MBNL2: variants seen among roughly 807,000 people sequenced by gnomAD.
MBNL2 encodes the protein muscleblind like splicing regulator 2.
MBNL2 carries 17 observed loss-of-function variants against 41.9 expected under a neutral mutation model. That is an observed-to-expected ratio of 0.41 (90% CI 0.28 to 0.61). The LOEUF is 0.61. Among genes scored for constraint, MBNL2 ranks in the 20% least tolerant of loss-of-function variants. The probability of loss-of-function intolerance (pLI) is 0.35; values close to 1 mark genes in which losing one functional copy is unlikely to be tolerated. For synonymous variants in MBNL2, 195 were observed against 182.9 expected (o/e 1.07, Z -0.53); for missense variants, 336 against 505.6 (o/e 0.66, Z 3.22).
chr13:97,345,979 G>T (rs1301201317), intron 4 of MBNL2, among the ~76,000 whole-genome samples: 1 of 152,098 alleles, frequency 6.6e-6, no homozygotes, highest in South Asian at 2.1e-4. Flanking sequence ...TAAATAGATA[G>T]ATTATAGGTA....
the MBNL2 span, among the ~76,000 whole-genome samples, chr13:97,157,322 C>A: frequency 2.0e-5 from 3 of 148,444 alleles, no homozygotes; most frequent in Non-Finnish European, 4.5e-5. Flanking sequence ...TCTAGATATA[C>A]AATCATGTCA....
At chr13:97,378,205 C>T (rs1212850500) in intron 8 of MBNL2, among the ~76,000 whole-genome samples, 3 of 145,876 alleles carry the variant, frequency 2.1e-5, no homozygotes, top group Non-Finnish European at 2.9e-5. Context: ...TATGTAATAA[C>T]ACTGGCATTT....
the MBNL2 span, among the ~76,000 whole-genome samples, chr13:97,200,731 A>G: frequency 4.6e-5 from 7 of 152,178 alleles, no homozygotes; most frequent in Non-Finnish European, 1.5e-5. Flanking sequence ...CTGAAAGACG[A>G]ATGAAGGAAT....
intron 1 of MBNL2, among the ~76,000 whole-genome samples, chr13:97,234,587 T>A (rs1419949451): frequency 3.9e-5 from 6 of 152,194 alleles, no homozygotes; most frequent in African/African-American, 1.4e-4. Flanking sequence ...AAAATTGTTT[T>A]CAGTCCCAAC....
chr13:97,329,035 A>G (rs895415933), intron 2 of MBNL2, among the ~76,000 whole-genome samples: 1 of 152,174 alleles, frequency 6.6e-6, no homozygotes, highest in Non-Finnish European at 1.5e-5. Context: ...TGTAATTCCA[A>G]TAGCACCAAT....
upstream of MBNL2, among the ~76,000 whole-genome samples, chr13:97,217,241 C>T (rs1451410980): frequency 6.6e-6 from 1 of 151,760 alleles, no homozygotes; most frequent in Non-Finnish European, 1.5e-5. Context: ...ACCTTATTAC[C>T]AGTGCCATTT....
In MBNL2 at chr13:97,281,582, A is replaced by G. The variant is rs548768942; in HGVS notation, c.174+5173A>G. Among the ~76,000 whole-genome samples the G allele has an allele frequency of 3.3e-5, 5 of 152,320 alleles. No homozygotes were observed. The South Asian group carries it at 1.0e-3, about 32-fold the overall frequency. On this transcript the variant is annotated intron_variant, in intron 2 of 8. Coordinates refer to ENST00000679496, the MANE Select transcript of MBNL2 (RefSeq NM_001382683.1). ...GCTGATGGCAGTATGTAATTTGCCA[A>G]GACCTTAAGTTCATGTTCTTAAATT...
At chr13:97,149,258 T>G in the MBNL2 span, among the ~76,000 whole-genome samples, 1 of 152,212 alleles carries the variant, frequency 6.6e-6, no homozygotes, top group South Asian at 2.1e-4. Context: ...GGGCTTCAGA[T>G]GGAAGTTTAA....
chr13:97,224,865 G>A (rs1467318607), intron 1 of MBNL2, among the ~76,000 whole-genome samples: 1 of 152,162 alleles, frequency 6.6e-6, no homozygotes, highest in Admixed American at 6.5e-5. Flanking sequence ...GTTGTTGTTT[G>A]CATTTTTTCC....
intron 2 of MBNL2, among the ~76,000 whole-genome samples, chr13:97,286,732 C>T (rs2054529901): frequency 6.6e-6 from 1 of 152,242 alleles, no homozygotes; most frequent in Non-Finnish European, 1.5e-5. Flanking sequence ...TTGGCACTGG[C>T]TGTTCCCTCC....
intron 3 of MBNL2, among the ~76,000 whole-genome samples, chr13:97,340,685 T>G (rs9513237): frequency 6.6e-6 from 1 of 151,858 alleles, no homozygotes; most frequent in African/African-American, 2.4e-5. Context: ...AGTGTCAGAG[T>G]GCTAGGTTTG....
chr13:97,280,377 T>G (rs970479742), intron 2 of MBNL2, among the ~76,000 whole-genome samples: 1 of 152,230 alleles, frequency 6.6e-6, no homozygotes, highest in Non-Finnish European at 1.5e-5. Context: ...ACATTTGAAT[T>G]CACACTCAGC....
chr13:97,201,873 C>T, the MBNL2 span, among the ~76,000 whole-genome samples: 1 of 152,166 alleles, frequency 6.6e-6, no homozygotes, highest in African/African-American at 2.4e-5. Context: ...AAAATAGTCT[C>T]ATTTGATCAA....
chr13:97,300,866 C>A (rs2057550983), intron 2 of MBNL2, among the ~76,000 whole-genome samples: 1 of 152,124 alleles, frequency 6.6e-6, no homozygotes, highest in Non-Finnish European at 1.5e-5. Flanking sequence ...TCACTCACTC[C>A]TTTACTCACA....
chr13:97,354,107 CT>C (rs1425323994), intron 5 of MBNL2, among the ~76,000 whole-genome samples: 1 of 150,790 alleles, frequency 6.6e-6, no homozygotes, highest in Non-Finnish European at 1.5e-5. Flanking sequence ...GCACACCAAG[CT>C]GGAGAGGCCC....
At chr13:97,181,306 G>A in the MBNL2 span, among the ~76,000 whole-genome samples, 4 of 152,140 alleles carry the variant, frequency 2.6e-5, no homozygotes, top group Admixed American at 2.6e-4. Context: ...TCCTGGATTT[G>A]AATGTTGACA....
At chr13:97,367,194 T>C (rs2063916464) in intron 8 of MBNL2, among the ~76,000 whole-genome samples, 2 of 152,362 alleles carry the variant, frequency 1.3e-5, no homozygotes, top group South Asian at 2.1e-4. Context: ...GTTGGTTTAA[T>C]GCATGTGCCA....
At chr13:97,333,438 T>C (rs927414369) in intron 2 of MBNL2, among the ~76,000 whole-genome samples, 3 of 152,210 alleles carry the variant, frequency 2.0e-5, no homozygotes, top group African/African-American at 7.2e-5. Context: ...ATAAACACTC[T>C]TCACTATGTC....
At chr13:97,153,900 T>C in the MBNL2 span, among the ~76,000 whole-genome samples, 2 of 152,176 alleles carry the variant, frequency 1.3e-5, no homozygotes, top group African/African-American at 4.8e-5. Context: ...ATCACTCCTA[T>C]CCTTTGACAT....
Sources: gnomAD v4.1 joint callset for allele counts (sites outside exome capture counted in the v4.1 genomes callset) on GRCh38, gnomAD v4.1.1 for gene constraint, MANE v1.5 for transcripts, NCBI Gene and HGNC (gene_info 2026-07-23, HGNC 2026-07-21) for gene names.